ZNF730: variants seen among roughly 807,000 people sequenced by gnomAD.
The protein encoded by ZNF730 is putative zinc finger protein 730.
ZNF730 carries 12 observed loss-of-function variants against 12.6 expected under a neutral mutation model. That is an observed-to-expected ratio of 0.95 (90% CI 0.61 to 1.54). The LOEUF is 1.54. Among genes scored for constraint, ZNF730 ranks in the 40% most tolerant of loss-of-function variants. ZNF730 has a pLI of 0.00. For missense variants in ZNF730, 643 were observed against 583.5 expected, an observed-to-expected ratio of 1.10 and a Z score of -1.05; for synonymous variants, 194 against 195.8, an observed-to-expected ratio of 0.99 and a Z score of 0.08.
intron 1 of ZNF730, among the ~76,000 whole-genome samples, chr19:23,093,339 G>A (rs1185658322): frequency 6.6e-6 from 1 of 152,182 alleles, no homozygotes; most frequent in Non-Finnish European, 1.5e-5. Flanking sequence ...TACATCTGGT[G>A]GAATTCAACT....
At chr19:23,129,389 G>A (rs1970714197) in intron 1 of ZNF730, among the ~76,000 whole-genome samples, 1 of 152,142 alleles carries the variant, frequency 6.6e-6, no homozygotes, top group Admixed American at 6.5e-5. Context: ...AGCTGCTCAA[G>A]ACGATGGGAA....
chr19:23,119,992 CTTT>C (rs539722897), intron 1 of ZNF730, among the ~76,000 whole-genome samples: 1 of 132,574 alleles, frequency 7.5e-6, no homozygotes. Flanking sequence ...CACTTTCTTT[CTTT>C]TTTTTTTTTT....
intron 1 of ZNF730, among the ~76,000 whole-genome samples, chr19:23,132,721 C>G (rs1474074594): frequency 4.6e-5 from 7 of 151,960 alleles, no homozygotes; most frequent in Admixed American, 3.3e-4. Flanking sequence ...TCCATCAGCT[C>G]TATGTAGAGA....
At chr19:23,109,884 ATATC>A (rs1231907099) in intron 1 of ZNF730, among the ~76,000 whole-genome samples, 2 of 151,912 alleles carry the variant, frequency 1.3e-5, no homozygotes, top group Non-Finnish European at 2.9e-5. Context: ...TTATCTGAGT[ATATC>A]TAATTGTCAT....
chr19:23,145,885 G>A lies in ZNF730; in HGVS notation c.841G>A (p.Glu281Lys). 6.2e-7 allele frequency: 1 copy of A among 1,610,476 alleles called. No individual in the cohort carries two copies. Among genetic ancestry groups the A allele is most frequent in the Non-Finnish European group, 8.5e-7 (1 of 1,179,468 alleles). Residue 281 changes from glutamate to lysine, a missense_variant, in exon 4 of 4, where the codon GAG becomes AAG. Physicochemically the swap from Glu to Lys is moderately conservative, Grantham distance 56. Transcript: ENST00000597761. ...LTTHKRIHTG[E>K]KPYKCEECGK... ...TACACATAAAAGAATTCATACTGGA[G>A]AGAAACCCTATAAATGTGAAGAATG... is the stretch of plus-strand genomic sequence containing the variant.
At chr19:23,138,022 G>T (rs529672397) in intron 3 of ZNF730, among the ~76,000 whole-genome samples, 1 of 15,482 alleles carries the variant, frequency 6.5e-5, no homozygotes, top group African/African-American at 1.1e-4. Flanking sequence ...GGTGGCTCAC[G>T]CCTGTAATCC....
intron 1 of ZNF730, chr19:23,126,663 T>TA (rs1970673538): frequency 2.1e-6 from 1 of 481,736 alleles, no homozygotes; most frequent in East Asian, 5.3e-5. Flanking sequence ...TTCCACTAGT[T>TA]TTTTTTTTTT....
intron 1 of ZNF730, chr19:23,128,170 G>A: frequency 1.2e-6 from 1 of 859,898 alleles, no homozygotes; most frequent in Non-Finnish European, 2.0e-6. Context: ...GAGAGCAGTA[G>A]ATGGAGGCTT....
At chr19:23,139,026 A>T (rs1970875903) in intron 3 of ZNF730, among the ~76,000 whole-genome samples, 1 of 152,232 alleles carries the variant, frequency 6.6e-6, no homozygotes, top group East Asian at 1.9e-4. Context: ...AGATTGAAAC[A>T]TTTAGGGAAA....
chr19:23,081,059 T>C (rs1969958419), intron 1 of ZNF730, among the ~76,000 whole-genome samples: 1 of 151,922 alleles, frequency 6.6e-6, no homozygotes, highest in Non-Finnish European at 1.5e-5. Flanking sequence ...TTGGCCAGAC[T>C]GCTCTCGAAC....
intron 1 of ZNF730, among the ~76,000 whole-genome samples, chr19:23,080,915 G>A (rs1344661526): frequency 6.9e-6 from 1 of 144,004 alleles, no homozygotes; most frequent in East Asian, 2.1e-4. Flanking sequence ...GCACAATCTC[G>A]GTTTACTGCA....
In ZNF730 at chr19:23,146,853, A is replaced by T. The variant is rs1971023578; in HGVS notation, c.*297A>T. On this transcript the variant is annotated 3_prime_UTR_variant, in exon 4 of 4. Transcript: ENST00000597761. The stretch of plus-strand genomic sequence containing the variant: ...AGCCTTTAACAAATCCTTAATTCTT[A>T]ACAGACATGATTCATACCAGAGAGA... The T allele has an allele frequency of 1.3e-6, 1 of 747,468 alleles. No homozygotes were observed. The highest frequency in any genetic ancestry group is 2.3e-6 in the Non-Finnish European group (1 of 429,220). The allele number at this position is 747,468 out of a possible 1,614,324, so 46.3% of individuals were successfully genotyped here.
chr19:23,121,226 C>G (rs1424587315), intron 1 of ZNF730, among the ~76,000 whole-genome samples: 3 of 152,086 alleles, frequency 2.0e-5, no homozygotes, highest in African/African-American at 7.2e-5. Context: ...TTTGGTCAAG[C>G]ATTTAGTTCT....
intron 1 of ZNF730, among the ~76,000 whole-genome samples, chr19:23,125,099 C>T (rs1330205354): frequency 2.0e-5 from 3 of 152,168 alleles, no homozygotes; most frequent in East Asian, 1.9e-4. Flanking sequence ...CCACCATCCA[C>T]GTAAGATATG....
intron 3 of ZNF730, among the ~76,000 whole-genome samples, chr19:23,139,326 TA>T (rs1455396534): frequency 6.6e-6 from 1 of 152,170 alleles, no homozygotes; most frequent in Non-Finnish European, 1.5e-5. Context: ...AGCATATATT[TA>T]AAACTTAAAA....
intron 1 of ZNF730, among the ~76,000 whole-genome samples, chr19:23,083,154 G>A (rs967887909): frequency 2.0e-5 from 3 of 151,874 alleles, no homozygotes; most frequent in East Asian, 1.9e-4. Flanking sequence ...GGCTGAGCCC[G>A]GTGGCTCACA....
rs772566664 is a variant in ZNF730, at chr19:23,146,806, A to G, written c.*250A>G. On this transcript the variant is annotated 3_prime_UTR_variant, in exon 4 of 4. Coordinates refer to ENST00000597761, the MANE Select transcript of ZNF730 (RefSeq NM_001277403.2). Reference sequence around the variant, plus strand: ...ATAATTCATACTGGAGAGAAACCCTACAAGTGTGAAGAATGTGACAAAGCC... The same window carrying G: ...ATAATTCATACTGGAGAGAAACCCTGCAAGTGTGAAGAATGTGACAAAGCC... The G allele has an allele frequency of 7.3e-5, 67 of 912,656 alleles. No homozygotes were observed. Among genetic ancestry groups the G allele is most frequent in the Middle Eastern group, 4.3e-4 (2 of 4,612 alleles). The allele number at this position is 912,656 out of a possible 1,614,324, so 56.5% of individuals were successfully genotyped here.
chr19:23,116,918 TGAGGGG>T, upstream of ZNF730: 4 of 400,000 alleles, frequency 1.0e-5, no homozygotes, highest in Non-Finnish European at 1.7e-5. Flanking sequence ...ACTCAGGGCC[TGAGGGG>T]GCGGGGCCTT....
intron 1 of ZNF730, among the ~76,000 whole-genome samples, chr19:23,097,629 C>T (rs1401995846): frequency 6.6e-6 from 1 of 152,120 alleles, no homozygotes; most frequent in Non-Finnish European, 1.5e-5. Flanking sequence ...ATAAAGCTCT[C>T]CTTTCTTACC....
Sources: allele counts gnomAD v4.1 joint callset (sites outside exome capture counted in the v4.1 genomes callset), GRCh38; gene constraint gnomAD v4.1.1; transcripts MANE v1.5; gene names NCBI Gene and HGNC (gene_info 2026-07-23, HGNC 2026-07-21).